Variants in COL6A5 observed in about 807,000 individuals in gnomAD.
COL6A5 encodes collagen type VI alpha 5 chain.
COL6A5 carries 48 observed loss-of-function variants against 65.6 expected under a neutral mutation model. The ratio of observed to expected loss-of-function variants is 0.73; its 90% CI spans 0.58 to 0.93. The LOEUF (loss-of-function observed/expected upper bound fraction) is 0.93. COL6A5 is among the 40% of genes least tolerant of loss of function. COL6A5 has a pLI of 0.00. For missense variants in COL6A5, 914 were observed against 928.3 expected (o/e 0.98, Z 0.20); for synonymous variants, 291 against 322.8 (o/e 0.90, Z 1.05).
intron 4 of COL6A5, among the ~76,000 whole-genome samples, chr3:130,445,409 G>A (rs1388426328): frequency 6.6e-6 from 1 of 152,196 alleles, no homozygotes; most frequent in African/African-American, 2.4e-5. Context: ...TGGACAGTTT[G>A]ATTATTCGTC....
intron 6 of COL6A5, among the ~76,000 whole-genome samples, chr3:130,470,656 A>G (rs1709927240): frequency 6.6e-6 from 1 of 152,118 alleles, no homozygotes; most frequent in Non-Finnish European, 1.5e-5. Flanking sequence ...AATTTGTGAT[A>G]GAGCATTGGA....
intron 1 of COL6A5, among the ~76,000 whole-genome samples, chr3:130,367,395 T>C (rs1034308002): frequency 2.0e-5 from 3 of 152,222 alleles, no homozygotes; most frequent in African/African-American, 7.2e-5. Context: ...TTTGAAATAA[T>C]ACCTCATCCT....
chr3:130,471,074 TTG>T (rs34150957), intron 7 of COL6A5, 107 bp downstream of exon 39: 10,752 of 543,158 alleles, frequency 0.02, 63 homozygotes, highest in African/African-American at 0.061. Context: ...GTGTGTGTTT[TTG>T]TGTGTGTGTG....
chr3:130,449,899 G>A (rs1471239770), intron 4 of COL6A5, among the ~76,000 whole-genome samples: 2 of 152,110 alleles, frequency 1.3e-5, no homozygotes, highest in Non-Finnish European at 2.9e-5. Context: ...CTTTAGCAGA[G>A]GTAGATGCTC....
At chr3:130,412,210 C>A (rs1937197298) in intron 20 of COL6A5, among the ~76,000 whole-genome samples, 1 of 152,256 alleles carries the variant, frequency 6.6e-6, no homozygotes, top group East Asian at 1.9e-4. Context: ...TTGCTCAAAT[C>A]ACTTTCAAAT....
chr3:130,376,593 G>C (rs934146720), exon 3 of COL6A5: 7 of 1,608,356 alleles, frequency 4.4e-6, no homozygotes, highest in Admixed American at 3.4e-5. Flanking sequence ...GGTGGTCCTG[G>C]CTTCGGCTGA....
In COL6A5 at chr3:130,410,454, A is replaced by G; in HGVS notation, c.4609-17A>G. On this transcript the variant is annotated splice_polypyrimidine_tract_variant and intron_variant and NMD_transcript_variant, in intron 19 of 41. Coordinates refer to the COL6A5 transcript ENST00000312481. ...AATTTTTTCCTTTTGATCTTGAGGA[A>G]ATTATTATATTTTTAGGGTAGAAGT... 3 of 1,544,488 alleles carry G rather than the reference A, an allele frequency of 1.9e-6. No homozygotes were observed. The highest frequency in any genetic ancestry group is 8.8e-7 in the Non-Finnish European group (1 of 1,141,906).
chr3:130,356,863 C>T (rs1451957524), intron 1 of COL6A5, among the ~76,000 whole-genome samples: 2 of 152,034 alleles, frequency 1.3e-5, no homozygotes, highest in Admixed American at 1.3e-4. Context: ...CAGGAAAATG[C>T]GTTGCCTCAA....
intron 1 of COL6A5, among the ~76,000 whole-genome samples, chr3:130,437,262 G>A (rs539436782): frequency 4.1e-4 from 63 of 151,878 alleles, no homozygotes; most frequent in African/African-American, 1.3e-3. Flanking sequence ...AGTACTTATT[G>A]GTAAATATAG....
At chr3:130,423,746 T>A (rs1937554941) in intron 28 of COL6A5, 92 bp from the exon 29 acceptor site, 4 of 981,376 alleles carry the variant, frequency 4.1e-6, no homozygotes, top group Non-Finnish European at 6.0e-6. Flanking sequence ...TTTTAAAATT[T>A]TTTTTAAAAT....
intron 4 of COL6A5, among the ~76,000 whole-genome samples, chr3:130,446,049 C>T (rs938908834): frequency 2.6e-5 from 4 of 152,086 alleles, no homozygotes; most frequent in African/African-American, 9.7e-5. Flanking sequence ...GACCAAATGT[C>T]CCATTTTATC....
intron 1 of COL6A5, among the ~76,000 whole-genome samples, chr3:130,349,822 T>A (rs971797553): frequency 2.6e-5 from 4 of 152,196 alleles, no homozygotes; most frequent in Admixed American, 6.5e-5. Flanking sequence ...TACGCTAATA[T>A]ATTCCTTATG....
At chr3:130,379,583 G>C in exon 4 of COL6A5, 1 of 1,551,444 alleles carries the variant, frequency 6.4e-7, no homozygotes, top group Non-Finnish European at 8.7e-7. Context: ...GGACTGATGA[G>C]TTACAGCAAT....
At chr3:130,481,693 C>T (rs142592069) in intron 7 of COL6A5, among the ~76,000 whole-genome samples, 4,847 of 152,284 alleles carry the variant, frequency 0.032, 113 homozygotes, top group South Asian at 0.098. Context: ...TTCTCCACAT[C>T]CTCACCAGCA....
chr3:130,351,400 T>C (rs77185696), intron 1 of COL6A5, among the ~76,000 whole-genome samples: 2,861 of 152,268 alleles, frequency 0.019, 86 homozygotes, highest in African/African-American at 0.064. Flanking sequence ...GAGAGAATTT[T>C]TGCAATCTAC....
chr3:130,415,135 C>T (rs1195539179), intron 22 of COL6A5, among the ~76,000 whole-genome samples: 1 of 152,084 alleles, frequency 6.6e-6, no homozygotes, highest in Non-Finnish European at 1.5e-5. Flanking sequence ...TTACTGCCAC[C>T]TCTAGTTTTT....
At chr3:130,408,720 C>T (rs1039087471) in intron 17 of COL6A5, among the ~76,000 whole-genome samples, 2 of 152,152 alleles carry the variant, frequency 1.3e-5, no homozygotes, top group African/African-American at 4.8e-5. Context: ...CCCCCAGAGA[C>T]CCAGCTGTAA....
intron 1 of COL6A5, among the ~76,000 whole-genome samples, chr3:130,434,094 C>G (rs1037218837): frequency 1.3e-5 from 2 of 152,148 alleles, no homozygotes; most frequent in African/African-American, 4.8e-5. Flanking sequence ...GCCTCAACCC[C>G]CACCCCTCGA....
chr3:130,345,764 G>A (rs1394948798), exon 1 of COL6A5: 1 of 398,624 alleles, frequency 2.5e-6, no homozygotes, highest in Non-Finnish European at 4.4e-6. Context: ...ACCCTCTCAG[G>A]GCACGAGGCG....
Sources: allele counts gnomAD v4.1 joint callset (sites outside exome capture counted in the v4.1 genomes callset), GRCh38; gene constraint gnomAD v4.1.1; transcripts MANE v1.5; gene names NCBI Gene and HGNC (gene_info 2026-07-23, HGNC 2026-07-21).